The following TRPS1 variants were observed in gnomAD, a reference collection of about 807,000 sequenced individuals.
TRPS1 encodes the protein transcriptional repressor GATA binding 1.
A neutral mutation model predicts 101.2 loss-of-function variants in TRPS1; 6 were observed. The observed-to-expected ratio is 0.06, with a 90% CI of 0.03 to 0.12. The LOEUF is 0.12. TRPS1 is among the 10% of genes least tolerant of loss of function. TRPS1 has a pLI of 1.00. For synonymous variants in TRPS1, 578 were observed against 589.8 expected, an observed-to-expected ratio of 0.98 and a Z score of 0.29; for missense variants, 1,363 against 1,567.0, an observed-to-expected ratio of 0.87 and a Z score of 2.20.
intron 5 of TRPS1, among the ~76,000 whole-genome samples, chr8:115,525,079 C>G (rs966088208): frequency 6.6e-6 from 1 of 151,970 alleles, no homozygotes; most frequent in Admixed American, 6.6e-5. Flanking sequence ...CCAAGTCTTC[C>G]GAAAGCACCT....
chr8:115,432,935 C>T (rs540422074), intron 5 of TRPS1, among the ~76,000 whole-genome samples: 3 of 150,882 alleles, frequency 2.0e-5, no homozygotes, highest in Non-Finnish European at 3.0e-5. Flanking sequence ...AATTTACTAA[C>T]GCATGTGTAT....
At position 115,604,529 on chromosome 8, in the gene TRPS1, A is replaced by G. The variant is rs1228115086; in HGVS notation, c.1440T>C (p.Leu480=). The part of the protein sequence containing the change: ...KQHGAVQSGG[L]NPELNDKLSR... ...AAAGCTTATCATTTAACTCTGGATTAAGGCCGCCTGACTGCACTGCTCCGT... is the reference window on the plus strand; with the variant it reads ...AAAGCTTATCATTTAACTCTGGATTGAGGCCGCCTGACTGCACTGCTCCGT... Residue 480 remains leucine, a synonymous_variant, in exon 4 of 7, where the codon CTT becomes CTC. Transcript: ENST00000395715. The surrounding 1 kb of genome is among the most constrained non-coding windows in gnomAD (Gnocchi z 4.1). 2 of 1,614,090 alleles carry G rather than the reference A, an allele frequency of 1.2e-6. No homozygotes were observed. Among genetic ancestry groups the G allele is most frequent in the Non-Finnish European group, 1.7e-6 (2 of 1,180,004 alleles).
intron 5 of TRPS1, chr8:115,510,996 T>A (rs1815569391): frequency 6.6e-6 from 1 of 151,970 alleles, no homozygotes; most frequent in Non-Finnish European, 1.5e-5. Context: ...TTTGTTTTAC[T>A]TTTTTTGTTC....
chr8:115,661,757 T>TC (rs894795928), intron 1 of TRPS1: 4 of 151,498 alleles, frequency 2.6e-5, no homozygotes, highest in Non-Finnish European at 5.9e-5. Flanking sequence ...GATTTTTTTT[T>TC]TTTTTTTTGG....
chr8:115,520,994 C>T (rs1670247893), intron 5 of TRPS1, among the ~76,000 whole-genome samples: 2 of 151,778 alleles, frequency 1.3e-5, no homozygotes, highest in African/African-American at 4.8e-5. Context: ...CACGCTTATG[C>T]CTCCCAGAGG....
rs569200222 is a variant in TRPS1 at position 115,597,321 on chromosome 8, G to T, written c.2096+6552C>A. The stretch of plus-strand genomic sequence containing the variant: ...CTATGTTTTCTGAGATTAATAAAGG[G>T]ATATAAAGGGATCTCTTTCTTTTTG... On this transcript the variant is annotated intron_variant, in intron 4 of 6. Transcript: ENST00000395715. Among the ~76,000 whole-genome samples the T allele has an allele frequency of 3.3e-5, 5 of 151,998 alleles. No homozygotes were observed. In the South Asian group the frequency reaches 1.0e-3, roughly 32 times the overall value.
intron 5 of TRPS1, among the ~76,000 whole-genome samples, chr8:115,524,078 T>A (rs2130239499): frequency 6.6e-6 from 1 of 152,250 alleles, no homozygotes; most frequent in South Asian, 2.1e-4. Context: ...CATAACTGAA[T>A]TTATTCAATC....
intron 3 of TRPS1, among the ~76,000 whole-genome samples, chr8:115,614,015 C>T (rs116207615): frequency 0.013 from 2,030 of 152,302 alleles, 41 homozygotes; most frequent in African/African-American, 0.047. Context: ...GGTCTAATGA[C>T]TGTCAGAATC....
At chr8:115,473,865 G>A (rs1434285878) in intron 5 of TRPS1, among the ~76,000 whole-genome samples, 1 of 152,146 alleles carries the variant, frequency 6.6e-6, no homozygotes. Context: ...TATGATTTAT[G>A]TAAGTTTCAT....
intron 5 of TRPS1, among the ~76,000 whole-genome samples, chr8:115,545,650 T>C (rs1346930377): frequency 6.6e-6 from 1 of 152,154 alleles, no homozygotes; most frequent in Non-Finnish European, 1.5e-5. Context: ...TAAAAAAATA[T>C]TAAAATTAGG....
At chr8:115,417,748 T>C (rs1376204113) in intron 6 of TRPS1, among the ~76,000 whole-genome samples, 1 of 152,152 alleles carries the variant, frequency 6.6e-6, no homozygotes, top group Non-Finnish European at 1.5e-5. Context: ...GTGTGTGCTA[T>C]TCAGAACTTC....
chr8:115,616,912 T>A (rs993893675), intron 3 of TRPS1, among the ~76,000 whole-genome samples: 1 of 152,206 alleles, frequency 6.6e-6, no homozygotes, highest in African/African-American at 2.4e-5. Flanking sequence ...AAATTTCAGA[T>A]GCGTTTTTAT....
chr8:115,600,078 C>A (rs1311028788), intron 4 of TRPS1, among the ~76,000 whole-genome samples: 1 of 152,166 alleles, frequency 6.6e-6, no homozygotes, highest in Non-Finnish European at 1.5e-5. Context: ...TTGCATTTCT[C>A]TAATGATCAG....
chr8:115,547,314 CCT>C (rs921621629), intron 5 of TRPS1, among the ~76,000 whole-genome samples: 2 of 151,860 alleles, frequency 1.3e-5, no homozygotes, highest in South Asian at 2.1e-4. Context: ...TCCCTTTCTC[CCT>C]CTCTCTCTTC....
chr8:115,451,117 G>A (rs1445876888), intron 5 of TRPS1, among the ~76,000 whole-genome samples: 1 of 152,088 alleles, frequency 6.6e-6, no homozygotes, highest in Admixed American at 6.6e-5. Context: ...ATATAATAAT[G>A]CAAAGAAGGT....
At chr8:115,492,001 G>A (rs1045664864) in intron 5 of TRPS1, among the ~76,000 whole-genome samples, 1 of 151,966 alleles carries the variant, frequency 6.6e-6, no homozygotes, top group Non-Finnish European at 1.5e-5. Flanking sequence ...ATACCCAGGA[G>A]GACTTGATGA....
chr8:115,624,906 T>A (rs1053240656), intron 1 of TRPS1, among the ~76,000 whole-genome samples: 1 of 151,768 alleles, frequency 6.6e-6, no homozygotes. Flanking sequence ...TATCATTATC[T>A]AGATACTGTA....
chr8:115,446,935 T>C (rs2129909134), intron 5 of TRPS1, among the ~76,000 whole-genome samples: 1 of 152,258 alleles, frequency 6.6e-6, no homozygotes, highest in East Asian at 1.9e-4. Flanking sequence ...TGGTCTACAA[T>C]ACTGTTTTTC....
rs1271156488 is a variant in TRPS1, at chr8:115,498,373, G to GTCTCTCTCTCTCTCTCTC, written c.2701-79939_2701-79922dup. ...AGCCTGGGCAACAAAGAGAGAGCCCGTCTCTCTCTCTCTCTCTCTCTCTCT... is the reference window on the plus strand; with the variant it reads ...AGCCTGGGCAACAAAGAGAGAGCCCGTCTCTCTCTCTCTCTCTCTCTCTCTCTCTCTCTCTCTCTCTCT... On this transcript the variant is annotated intron_variant, in intron 5 of 6. Coordinates refer to ENST00000395715, the MANE Select transcript of TRPS1 (RefSeq NM_014112.5). Among the ~76,000 whole-genome samples the GTCTCTCTCTCTCTCTCTC allele has an allele frequency of 8.6e-4, 27 of 31,216 alleles. 10 individuals are homozygous for GTCTCTCTCTCTCTCTCTC. In the East Asian group the frequency reaches 0.01, roughly 12 times the overall value. The allele number at this position is 31,216 out of a possible 152,430, so 20.5% of individuals were successfully genotyped here. A position where few individuals can be genotyped will look rare whatever the true frequency, so the allele number is the denominator to read the frequency against.
Sources: allele counts gnomAD v4.1 joint callset (sites outside exome capture counted in the v4.1 genomes callset), GRCh38; gene constraint gnomAD v4.1.1; non-coding constraint Gnocchi (gnomAD v3.1); transcripts MANE v1.5; gene names NCBI Gene and HGNC (gene_info 2026-07-23, HGNC 2026-07-21).